CNTNAP2: variants seen among roughly 807,000 people sequenced by gnomAD.
The protein encoded by CNTNAP2 is contactin-associated protein-like 2.
Under a neutral mutation model 155.2 loss-of-function variants are expected in CNTNAP2, and 98 were observed. That is an observed-to-expected ratio of 0.63 (90% CI 0.54 to 0.75). The LOEUF is 0.75. Among genes scored for constraint, CNTNAP2 ranks in the 30% least tolerant of loss-of-function variants. The probability of loss-of-function intolerance (pLI) is 0.00; values close to 1 mark genes in which losing one functional copy is unlikely to be tolerated. For missense variants in CNTNAP2, 1,727 were observed against 1,688.1 expected (o/e 1.02, Z -0.40); for synonymous variants, 651 against 631.2 (o/e 1.03, Z -0.47).
intron 2 of CNTNAP2, among the ~76,000 whole-genome samples, chr7:146,776,287 T>A (rs1802388629): frequency 6.6e-6 from 1 of 152,010 alleles, no homozygotes; most frequent in South Asian, 2.1e-4. Flanking sequence ...GGAAGCAGAG[T>A]CAGAAAATGT....
rs982007321 is a variant in CNTNAP2, at chr7:146,461,417, T to TATA, written c.98-312835_98-312833dup. On this transcript the variant is annotated intron_variant, in intron 1 of 23. Transcript: ENST00000361727. Reference sequence around the variant, plus strand: ...AAGACTCCGTCTCAAAAAAAAAAAATATAATAATAATAATAATAATACCTT... The same window carrying TATA: ...AAGACTCCGTCTCAAAAAAAAAAAATATAATAATAATAATAATAATAATACCTT... Among the ~76,000 whole-genome samples, 655 of 145,168 alleles carry TATA rather than the reference T, an allele frequency of 4.5e-3. 4 individuals carry two copies. The highest frequency in any genetic ancestry group is 0.016 in the African/African-American group (620 of 38,290).
At chr7:146,495,970 C>T (rs1040275301) in intron 1 of CNTNAP2, among the ~76,000 whole-genome samples, 19 of 152,066 alleles carry the variant, frequency 1.2e-4, no homozygotes, top group Admixed American at 2.6e-4. Flanking sequence ...TGGATTAGGA[C>T]GGATTGTGGA....
intron 9 of CNTNAP2, among the ~76,000 whole-genome samples, chr7:147,355,491 C>T (rs1479321626): frequency 2.0e-5 from 3 of 151,598 alleles, no homozygotes; most frequent in South Asian, 2.1e-4. Context: ...CAAAAAAGCA[C>T]GGAATCTAGG....
chr7:147,099,170 T>C (rs963482153), intron 4 of CNTNAP2, among the ~76,000 whole-genome samples: 14 of 152,098 alleles, frequency 9.2e-5, no homozygotes, highest in African/African-American at 3.4e-4. Context: ...CAGAGGCTGA[T>C]CCTAGTTGTC....
intron 15 of CNTNAP2, among the ~76,000 whole-genome samples, chr7:148,081,131 G>A (rs1450142379): frequency 6.6e-6 from 1 of 152,184 alleles, no homozygotes; most frequent in African/African-American, 2.4e-5. Flanking sequence ...AGAAACATGT[G>A]AAGAAGTTAG....
chr7:147,735,233 A>G (rs891743678), intron 13 of CNTNAP2, among the ~76,000 whole-genome samples: 1 of 152,100 alleles, frequency 6.6e-6, no homozygotes, highest in Admixed American at 6.5e-5. Context: ...CTTCATTCTC[A>G]TTGGTTTCAA....
At chr7:147,053,767 T>C (rs952097413) in intron 4 of CNTNAP2, among the ~76,000 whole-genome samples, 1 of 152,020 alleles carries the variant, frequency 6.6e-6, no homozygotes, top group Non-Finnish European at 1.5e-5. Context: ...TGTAAACATA[T>C]TAAAACAAAA....
intron 8 of CNTNAP2, among the ~76,000 whole-genome samples, chr7:147,240,200 C>CTCGT (rs1190663842): frequency 3.9e-5 from 6 of 152,186 alleles, no homozygotes; most frequent in Admixed American, 1.3e-4. Context: ...GCATGCGCCT[C>CTCGT]TCGTTCCTGC....
chr7:146,775,604 AAGG>A (rs1335440740), intron 2 of CNTNAP2, among the ~76,000 whole-genome samples: 1 of 150,884 alleles, frequency 6.6e-6, no homozygotes, highest in African/African-American at 2.4e-5. Context: ...GGAAGGAAGA[AAGG>A]AAGGAAGGAA....
At chr7:146,836,312 GC>G (rs1460569344) in intron 2 of CNTNAP2, among the ~76,000 whole-genome samples, 1 of 151,930 alleles carries the variant, frequency 6.6e-6, no homozygotes, top group Non-Finnish European at 1.5e-5. Flanking sequence ...CCAGCTACAA[GC>G]TTTTGTTAAT....
intron 1 of CNTNAP2, among the ~76,000 whole-genome samples, chr7:146,742,210 TAAAC>T (rs1801730522): frequency 6.6e-6 from 1 of 152,174 alleles, no homozygotes; most frequent in Non-Finnish European, 1.5e-5. Flanking sequence ...TATTTCTTCA[TAAAC>T]TAAATAAATA....
intron 21 of CNTNAP2, among the ~76,000 whole-genome samples, chr7:148,268,750 C>T (rs1289043799): frequency 6.6e-6 from 1 of 152,100 alleles, no homozygotes; most frequent in Non-Finnish European, 1.5e-5. Flanking sequence ...CCCATTCAAT[C>T]TTCGTCACAA....
intron 1 of CNTNAP2, among the ~76,000 whole-genome samples, chr7:146,676,448 C>CTTT (rs35178328): frequency 0.19 from 29,080 of 150,388 alleles, 3,061 homozygotes; most frequent in East Asian, 0.44. Context: ...TGTTTGTGTT[C>CTTT]TTTTTTTTAA....
chr7:148,292,829 T>A (rs190506605), intron 21 of CNTNAP2, among the ~76,000 whole-genome samples: 2 of 152,258 alleles, frequency 1.3e-5, no homozygotes, highest in African/African-American at 4.8e-5. Flanking sequence ...CAACATCTGG[T>A]CTCAGCAACT....
chr7:148,096,207 T>G lies in CNTNAP2; in HGVS notation c.2384-21911T>G, dbSNP rs576025166. On this transcript the variant is annotated intron_variant, in intron 15 of 23. Transcript: ENST00000361727. ...GGAATTAGAAGAGTTTTTGTTCCACTATGTTATTCCAACCTCATCTCCTCG... is the reference window on the plus strand; with the variant it reads ...GGAATTAGAAGAGTTTTTGTTCCACGATGTTATTCCAACCTCATCTCCTCG... Among the ~76,000 whole-genome samples, 5 of 152,280 alleles carry G rather than the reference T, an allele frequency of 3.3e-5. No individual in the cohort carries two copies. In the East Asian group the frequency reaches 9.6e-4, roughly 29 times the overall value.
intron 8 of CNTNAP2, among the ~76,000 whole-genome samples, chr7:147,185,069 T>C (rs1008511122): frequency 6.6e-6 from 1 of 152,070 alleles, no homozygotes; most frequent in South Asian, 2.1e-4. Flanking sequence ...TCTAAAATGG[T>C]TTATGTGGGG....
At chr7:146,793,412 G>C (rs1226088027) in intron 2 of CNTNAP2, among the ~76,000 whole-genome samples, 2 of 152,332 alleles carry the variant, frequency 1.3e-5, no homozygotes, top group African/African-American at 2.4e-5. Context: ...ATTGACACCT[G>C]CACCTGTGGG....
intron 15 of CNTNAP2, among the ~76,000 whole-genome samples, chr7:148,111,618 A>G (rs1413624128): frequency 1.3e-5 from 2 of 152,184 alleles, no homozygotes; most frequent in African/African-American, 4.8e-5. Context: ...CATATGGGAG[A>G]AAAATCTATA....
chr7:146,513,472 T>C (rs2129135952), intron 1 of CNTNAP2, among the ~76,000 whole-genome samples: 1 of 152,030 alleles, frequency 6.6e-6, no homozygotes, highest in Non-Finnish European at 1.5e-5. Flanking sequence ...TCTTATACCA[T>C]GAAGCTTATA....
Sources: allele counts gnomAD v4.1 joint callset (sites outside exome capture counted in the v4.1 genomes callset), GRCh38; gene constraint gnomAD v4.1.1; transcripts MANE v1.5; gene names NCBI Gene and HGNC (gene_info 2026-07-23, HGNC 2026-07-21).